Variants in FGF12 observed in about 807,000 individuals in gnomAD.
FGF12 encodes the protein fibroblast growth factor 12.
FGF12 carries 14 observed loss-of-function variants against 23.6 expected under a neutral mutation model. The ratio of observed to expected loss-of-function variants is 0.59; its 90% CI spans 0.39 to 0.93. The LOEUF is 0.93. Among genes scored for constraint, FGF12 ranks in the 40% least tolerant of loss-of-function variants. The pLI is 0.00. For synonymous variants in FGF12, 62 were observed against 77.3 expected, an observed-to-expected ratio of 0.80 and a Z score of 1.04; for missense variants, 175 against 217.8, an observed-to-expected ratio of 0.80 and a Z score of 1.24.
At chr3:192,218,845 G>A (rs1255586887) in intron 4 of FGF12, among the ~76,000 whole-genome samples, 1 of 152,122 alleles carries the variant, frequency 6.6e-6, no homozygotes, top group Non-Finnish European at 1.5e-5. Context: ...CCATTTGATT[G>A]CTAGATTTGC....
intron 2 of FGF12, among the ~76,000 whole-genome samples, chr3:192,365,055 C>G (rs572571870): frequency 3.3e-5 from 5 of 152,052 alleles, no homozygotes; most frequent in Admixed American, 3.3e-4. Flanking sequence ...GACAAATGCC[C>G]GTTAAATAAT....
intron 5 of FGF12, among the ~76,000 whole-genome samples, chr3:192,159,689 CGGT>C (rs1714753768): frequency 1.3e-5 from 2 of 152,110 alleles, no homozygotes; most frequent in African/African-American, 4.8e-5. Context: ...GGTTGTCAAG[CGGT>C]GGTGAATTTG....
At chr3:192,421,819 T>TA (rs74360183) in intron 2 of FGF12, among the ~76,000 whole-genome samples, 1,783 of 145,024 alleles carry the variant, frequency 0.012, 33 homozygotes, top group African/African-American at 0.036. Context: ...TAAAGTATAA[T>TA]AAAAAAAAAA....
rs545458225 is a variant in FGF12 at position 192,370,413 on chromosome 3, C to T, written c.14-9875G>A. ...GTTGTAATTGCCAGGCATGGTGGTGCACACCCGCAGTCCTAGCTGCTGGGG... is the reference window on the plus strand; with the variant it reads ...GTTGTAATTGCCAGGCATGGTGGTGTACACCCGCAGTCCTAGCTGCTGGGG... On this transcript the variant is annotated intron_variant, in intron 2 of 5. Coordinates refer to ENST00000445105, the MANE Select transcript of FGF12 (RefSeq NM_004113.6). 4.6e-5 allele frequency among the ~76,000 whole-genome samples: 7 copies of T among 152,204 alleles called. No individual in the cohort carries two copies. In the South Asian group the frequency reaches 1.5e-3, roughly 32 times the overall value.
chr3:192,475,882 TGATA>T (rs1723302631), intron 2 of FGF12, among the ~76,000 whole-genome samples: 2 of 152,032 alleles, frequency 1.3e-5, no homozygotes, highest in African/African-American at 2.4e-5. Flanking sequence ...ATCAGATAGA[TGATA>T]GATAGATAAT....
At position 192,193,766 on chromosome 3, in the gene FGF12, CT is replaced by C. The variant is rs113053865; in HGVS notation, c.229-23111del. 4.1e-4 allele frequency among the ~76,000 whole-genome samples: 60 copies of C among 148,066 alleles called. 1 individual carries two copies. The highest frequency in any genetic ancestry group is 8.6e-4 in the South Asian group (4 of 4,662). ...AATACTAGAAAGCAGCCACTGTCTT[CT>C]TTTTTTTTTAAGGATATTTTTATTC... is the stretch of plus-strand genomic sequence containing the variant. On this transcript the variant is annotated intron_variant, in intron 4 of 5. Coordinates refer to ENST00000445105, the MANE Select transcript of FGF12 (RefSeq NM_004113.6).
chr3:192,385,517 GA>G (rs1427178604), intron 2 of FGF12, among the ~76,000 whole-genome samples: 2 of 152,032 alleles, frequency 1.3e-5, no homozygotes, highest in African/African-American at 4.8e-5. Flanking sequence ...GGGCTCCTCA[GA>G]TCTGATCTTT....
intron 4 of FGF12, among the ~76,000 whole-genome samples, chr3:192,250,346 T>C (rs1383037207): frequency 1.3e-5 from 2 of 152,166 alleles, no homozygotes; most frequent in African/African-American, 4.8e-5. Context: ...GTCATTATTT[T>C]GATGAGTTGT....
intron 2 of FGF12, among the ~76,000 whole-genome samples, chr3:192,452,609 T>C (rs1027669665): frequency 6.6e-6 from 1 of 152,238 alleles, no homozygotes; most frequent in Non-Finnish European, 1.5e-5. Context: ...TTCTATTTTA[T>C]GCTGCATTGG....
chr3:192,507,734 T>C (rs1420979031), intron 2 of FGF12, among the ~76,000 whole-genome samples: 2 of 152,198 alleles, frequency 1.3e-5, no homozygotes, highest in Non-Finnish European at 2.9e-5. Context: ...CCAGAATTCC[T>C]GATCTCAATT....
intron 4 of FGF12, chr3:192,267,180 G>C (rs1178441531): frequency 6.6e-6 from 1 of 152,058 alleles, no homozygotes. Context: ...TCCTTGGAAA[G>C]GTGATTTCGT....
chr3:192,638,731 T>C (rs770472379), intron 2 of FGF12, among the ~76,000 whole-genome samples: 3 of 152,250 alleles, frequency 2.0e-5, no homozygotes, highest in Non-Finnish European at 2.9e-5. Flanking sequence ...GTTTTATAGA[T>C]GTGCTCATTT....
At chr3:192,298,065 C>G (rs991413100) in intron 4 of FGF12, among the ~76,000 whole-genome samples, 1 of 152,142 alleles carries the variant, frequency 6.6e-6, no homozygotes, top group African/African-American at 2.4e-5. Context: ...ATTGTATACC[C>G]GAGACTGAAC....
intron 4 of FGF12, among the ~76,000 whole-genome samples, chr3:192,220,822 T>C (rs1718431173): frequency 6.6e-6 from 1 of 152,232 alleles, no homozygotes; most frequent in Admixed American, 6.5e-5. Flanking sequence ...TTTGAACAAA[T>C]GGAAACATGA....
At chr3:192,675,243 CA>C (rs753133899) in intron 2 of FGF12, among the ~76,000 whole-genome samples, 1 of 151,372 alleles carries the variant, frequency 6.6e-6, no homozygotes, top group Non-Finnish European at 1.5e-5. Context: ...TGGCCAATGA[CA>C]GCAATTACGT....
intron 2 of FGF12, among the ~76,000 whole-genome samples, chr3:192,550,571 T>C (rs550097451): frequency 6.6e-6 from 1 of 151,934 alleles, no homozygotes; most frequent in African/African-American, 2.4e-5. Context: ...ATGTCAAGTT[T>C]GCTAAGCCTT....
At chr3:192,216,970 G>A (rs938974614) in intron 4 of FGF12, among the ~76,000 whole-genome samples, 1 of 152,182 alleles carries the variant, frequency 6.6e-6, no homozygotes, top group African/African-American at 2.4e-5. Flanking sequence ...TGTTTCTAAT[G>A]TGTTTGTTTT....
intron 4 of FGF12, among the ~76,000 whole-genome samples, chr3:192,211,918 G>A (rs1377007890): frequency 1.3e-5 from 2 of 152,138 alleles, no homozygotes; most frequent in Non-Finnish European, 2.9e-5. Flanking sequence ...AGGAAAACAC[G>A]AAAGTTTAGA....
intron 2 of FGF12, among the ~76,000 whole-genome samples, chr3:192,592,546 A>C (rs1485520574): frequency 6.6e-6 from 1 of 151,850 alleles, no homozygotes; most frequent in Non-Finnish European, 1.5e-5. Flanking sequence ...CGGGATGCAT[A>C]GGAATTTGAG....
Sources: gnomAD v4.1 joint callset for allele counts (sites outside exome capture counted in the v4.1 genomes callset) on GRCh38, gnomAD v4.1.1 for gene constraint, MANE v1.5 for transcripts, NCBI Gene and HGNC (gene_info 2026-07-23, HGNC 2026-07-21) for gene names.